The following HSPA12A variants were observed in gnomAD, a reference collection of about 807,000 sequenced individuals.
HSPA12A encodes heat shock 70 kDa protein 12A.
In HSPA12A, 28 loss-of-function variants were observed where a neutral mutation model predicts 69.2. The ratio of observed to expected loss-of-function variants is 0.40; its 90% confidence interval spans 0.30 to 0.55. The LOEUF (loss-of-function observed/expected upper bound fraction) is 0.55. Among genes scored for constraint, HSPA12A ranks in the 20% least tolerant of loss-of-function variants. The pLI is 0.38. For synonymous variants in HSPA12A, 345 were observed against 370.5 expected, an observed-to-expected ratio of 0.93 and a Z score of 0.79; for missense variants, 686 against 900.7, an observed-to-expected ratio of 0.76 and a Z score of 3.05.
At chr10:116,800,740 G>A (rs1844938794) in intron 2 of HSPA12A, among the ~76,000 whole-genome samples, 1 of 152,212 alleles carries the variant, frequency 6.6e-6, no homozygotes, top group Non-Finnish European at 1.5e-5. Flanking sequence ...CAGCAGTAAT[G>A]TCTGTCACCT....
chr10:116,742,214 C>G (rs1485995997), intron 1 of HSPA12A, among the ~76,000 whole-genome samples: 1 of 151,920 alleles, frequency 6.6e-6, no homozygotes, highest in Non-Finnish European at 1.5e-5. Flanking sequence ...CCTGGCGGGG[C>G]GCAGAACATG....
At chr10:116,844,156 C>T (rs1382449860) in intron 1 of HSPA12A, among the ~76,000 whole-genome samples, 1 of 152,194 alleles carries the variant, frequency 6.6e-6, no homozygotes, top group African/African-American at 2.4e-5. Flanking sequence ...GTCACCTAGA[C>T]CTGGATCAAA....
chr10:116,744,630 C>T (rs1311688518), upstream of HSPA12A, among the ~76,000 whole-genome samples: 2 of 152,262 alleles, frequency 1.3e-5, no homozygotes, highest in African/African-American at 2.4e-5. Context: ...AGCGCACACT[C>T]TGCCTGGGAT....
chr10:116,777,968 C>T (rs919379723), intron 2 of HSPA12A, among the ~76,000 whole-genome samples: 4 of 152,136 alleles, frequency 2.6e-5, no homozygotes, highest in East Asian at 1.9e-4. Context: ...CCTCATGATC[C>T]GCCCGCCTCA....
chr10:116,701,223 A>T, intron 3 of HSPA12A, 94 bp from the exon 4 acceptor site: 1 of 1,232,006 alleles, frequency 8.1e-7, no homozygotes, highest in Non-Finnish European at 1.2e-6. Context: ...CATGAGTGTC[A>T]GTAATGTGGG....
At chr10:116,847,038 A>C (rs1845900349) in intron 1 of HSPA12A, among the ~76,000 whole-genome samples, 1 of 151,466 alleles carries the variant, frequency 6.6e-6, no homozygotes, top group African/African-American at 2.4e-5. Context: ...ACAACTTTGA[A>C]CTCTATGTGG....
chr10:116,698,820 G>T, intron 4 of HSPA12A, 81 bp from the exon 5 acceptor site: 4 of 1,066,068 alleles, frequency 3.8e-6, no homozygotes, highest in Non-Finnish European at 1.4e-6. Context: ...GCTCCAAGGG[G>T]ACCTAGAGGA....
At chr10:116,679,942 C>T (rs1225500604) in intron 9 of HSPA12A, among the ~76,000 whole-genome samples, 181 bp from the exon 10 acceptor site, 1 of 152,188 alleles carries the variant, frequency 6.6e-6, no homozygotes, top group Non-Finnish European at 1.5e-5. Context: ...AGAAGCTTTT[C>T]CCTACAGAAA....
intron 1 of HSPA12A, among the ~76,000 whole-genome samples, chr10:116,836,961 A>T (rs1006750350): frequency 6.6e-6 from 1 of 152,196 alleles, no homozygotes; most frequent in Non-Finnish European, 1.5e-5. Context: ...TCCTTACAGA[A>T]GTATACACTA....
Position 116,723,919 on chromosome 10 carries a change from C to A in HSPA12A, c.41-16634G>T, listed in dbSNP as rs1436578448. 2.6e-5 allele frequency among the ~76,000 whole-genome samples: 4 copies of A among 152,206 alleles called. No homozygotes were observed. The highest frequency in any genetic ancestry group is 9.6e-5 in the African/African-American group (4 of 41,462). ...ACCATACCCCAGTAGCTGAGGCCAG[C>A]GGGTCACCTGTACCCAGGCATAGAC... On this transcript the variant is annotated intron_variant, in intron 1 of 11. Coordinates refer to ENST00000369209, the MANE Select transcript of HSPA12A (RefSeq NM_025015.3). This position sits in a 1 kb window ranked among gnomAD's most constrained non-coding sequence, Gnocchi z 4.1.
chr10:116,849,435 T>C (rs940939057), intron 1 of HSPA12A: 1 of 1,281,574 alleles, frequency 7.8e-7, no homozygotes, highest in Non-Finnish European at 1.0e-6. Context: ...GAACGACTTT[T>C]ACCGCAGGAA....
intron 10 of HSPA12A, among the ~76,000 whole-genome samples, chr10:116,677,953 A>G (rs1325358161): frequency 6.6e-6 from 1 of 151,736 alleles, no homozygotes; most frequent in East Asian, 1.9e-4. Flanking sequence ...AAAATTCATT[A>G]GCTACTTTGG....
intron 2 of HSPA12A, among the ~76,000 whole-genome samples, chr10:116,817,360 T>C (rs1262947882): frequency 6.6e-6 from 1 of 151,992 alleles, no homozygotes; most frequent in Non-Finnish European, 1.5e-5. Context: ...CCAGAGACAA[T>C]AGGGAACAAG....
chr10:116,770,885 A>T (rs1213291119), intron 2 of HSPA12A, among the ~76,000 whole-genome samples: 1 of 30,846 alleles, frequency 3.2e-5, no homozygotes, highest in Admixed American at 5.0e-4. Flanking sequence ...GTCACTTAAC[A>T]AGCCTCTCTT....
intron 1 of HSPA12A, among the ~76,000 whole-genome samples, chr10:116,716,860 A>C (rs1850622593): frequency 2.6e-5 from 4 of 152,130 alleles, no homozygotes; most frequent in Admixed American, 2.0e-4. Context: ...GGACCAGTGA[A>C]ACTCTGAAAT....
intron 2 of HSPA12A, among the ~76,000 whole-genome samples, chr10:116,823,155 G>C (rs1341471604): frequency 6.6e-6 from 1 of 152,146 alleles, no homozygotes; most frequent in East Asian, 1.9e-4. Flanking sequence ...TTTTAAAAGG[G>C]ATGTGAAATG....
chr10:116,817,889 CCCTGGTCAGACACCTGGCAGACAT>C (rs1407617556), intron 2 of HSPA12A, among the ~76,000 whole-genome samples: 3 of 152,200 alleles, frequency 2.0e-5, no homozygotes, highest in African/African-American at 7.2e-5. Context: ...AGTTCGGTTG[CCCTGGTCAGACACCTGGCAGACAT>C]CCTGGATCAT....
At chr10:116,678,796 C>T (rs756780803) in intron 10 of HSPA12A, among the ~76,000 whole-genome samples, 1 of 152,086 alleles carries the variant, frequency 6.6e-6, no homozygotes, top group Non-Finnish European at 1.5e-5. Context: ...CAGGACCTGA[C>T]AGTTGTTGAA....
rs1463160489 is a variant in HSPA12A, at chr10:116,800,283, C to T, written c.91+34652G>A. On this transcript the variant is annotated intron_variant, in intron 2 of 12. Coordinates refer to the HSPA12A transcript ENST00000635765. Reference sequence around the variant, plus strand: ...GGCCCCAGCCTCTCCCCCAACTTACCCCCAGTTCTGAGAGCTGATGACCCT... The same window carrying T: ...GGCCCCAGCCTCTCCCCCAACTTACTCCCAGTTCTGAGAGCTGATGACCCT... Among the ~76,000 whole-genome samples the T allele has an allele frequency of 2.6e-5, 4 of 152,160 alleles. No individual in the cohort carries two copies. In the East Asian group the frequency reaches 7.7e-4, roughly 29 times the overall value.
Sources: allele counts gnomAD v4.1 joint callset (sites outside exome capture counted in the v4.1 genomes callset), GRCh38; gene constraint gnomAD v4.1.1; non-coding constraint Gnocchi (gnomAD v3.1); transcripts MANE v1.5; gene names NCBI Gene and HGNC (gene_info 2026-07-23, HGNC 2026-07-21).